ZNF180: variants seen among roughly 807,000 people sequenced by gnomAD.
ZNF180 encodes zinc finger protein 180 (HHZ168).
ZNF180 carries 11 observed loss-of-function variants against 11.8 expected under a neutral mutation model. That is an observed-to-expected ratio of 0.93 (90% confidence interval 0.59 to 1.55). The LOEUF (loss-of-function observed/expected upper bound fraction) is 1.55, where lower values mean the gene tolerates loss of function less well. ZNF180 is among the 40% of genes most tolerant of loss of function. The probability of loss-of-function intolerance (pLI) is 0.00; values close to 1 mark genes in which losing one functional copy is unlikely to be tolerated. For missense variants in ZNF180, 773 were observed against 781.7 expected (o/e 0.99, Z 0.13); for synonymous variants, 287 against 257.7 (o/e 1.11, Z -1.09).
In ZNF180 at chr19:44,477,465, G is replaced by C; in HGVS notation, c.935C>G (p.Ser312Cys). Residue 312 changes from serine (S) to cysteine (C), a missense_variant, in exon 5 of 5, where the codon TCC becomes TGC. Physicochemically the swap from Ser to Cys is moderately radical, Grantham distance 112. Transcript: ENST00000592529. ...YKCSETSHSS[S>C]LTQNMRNNSE... Reference sequence around the variant, plus strand: ...ATTATTTCTCATGTTTTGAGTAAGGGAGGAACTATGAGAGGTTTCACTACA... The same window carrying C: ...ATTATTTCTCATGTTTTGAGTAAGGCAGGAACTATGAGAGGTTTCACTACA... 6.2e-7 allele frequency: 1 copy of C among 1,614,024 alleles called. No individual in the cohort carries two copies. The highest frequency in any genetic ancestry group is 1.1e-5 in the South Asian group (1 of 91,060).
intron 2 of ZNF180, among the ~76,000 whole-genome samples, chr19:44,496,203 G>A (rs953143857): frequency 6.6e-6 from 1 of 151,728 alleles, no homozygotes; most frequent in African/African-American, 2.4e-5. Context: ...ATTTTTTATA[G>A]AGACAGGGTC....
intron 1 of ZNF180, among the ~76,000 whole-genome samples, chr19:44,498,366 C>T (rs1225700261): frequency 2.0e-5 from 3 of 152,168 alleles, no homozygotes; most frequent in Non-Finnish European, 4.4e-5. Flanking sequence ...TACTCTCTCC[C>T]CTGCTCCCAC....
intron 2 of ZNF180, 195 bp from the exon 3 acceptor site, chr19:44,484,630 G>T: frequency 1.7e-6 from 1 of 594,762 alleles, no homozygotes; most frequent in Non-Finnish European, 3.0e-6. Flanking sequence ...ACATGGAGGA[G>T]CACCAAGGCC....
intron 1 of ZNF180, 73 bp downstream of exon 1, chr19:44,500,202 G>A: frequency 1.2e-6 from 2 of 1,614,098 alleles, no homozygotes; most frequent in South Asian, 2.2e-5. Context: ...ACTCACCACC[G>A]CTTCCAGCTT....
At chr19:44,490,011 A>AAAAGT (rs1970395911) in intron 2 of ZNF180, among the ~76,000 whole-genome samples, 1 of 145,910 alleles carries the variant, frequency 6.9e-6, no homozygotes, top group South Asian at 2.3e-4. Flanking sequence ...GAAAGAAAAG[A>AAAAGT]AAAGAAAGAA....
intron 2 of ZNF180, chr19:44,496,482 G>A (rs561214118): frequency 1.3e-5 from 2 of 151,704 alleles, no homozygotes; most frequent in East Asian, 2.0e-4. Flanking sequence ...GTGAGATATC[G>A]TTTCTACAAA....
At chr19:44,496,721 T>C (rs369533302) in intron 2 of ZNF180, 1 of 109,666 alleles carries the variant, frequency 9.1e-6, no homozygotes, top group South Asian at 2.9e-4. Flanking sequence ...AAAAAGAAAA[T>C]ACAGATAAAT....
rs1050024431 is a variant in ZNF180, at chr19:44,495,423, C to T, written c.51+1861G>A. ...CAGGCCACCCCACTGTGTCAGTACC[C>T]TCCACATGCCGCTGGGCTCTGACAC... is the stretch of plus-strand genomic sequence containing the variant. On this transcript the variant is annotated intron_variant, in intron 2 of 4. Transcript: ENST00000592529. The surrounding 1 kb of genome is among the most constrained non-coding windows in gnomAD (Gnocchi z 4.5). 1.3e-5 allele frequency among the ~76,000 whole-genome samples: 2 copies of T among 152,186 alleles called. No individual in the cohort carries two copies. Among genetic ancestry groups the T allele is most frequent in the Admixed American group, 6.5e-5 (1 of 15,302 alleles).
chr19:44,488,882 A>G (rs187923046), intron 2 of ZNF180, among the ~76,000 whole-genome samples: 32,380 of 145,582 alleles, frequency 0.22, 4,978 homozygotes, highest in East Asian at 0.45. Flanking sequence ...CGGTCGCCCC[A>G]TCTGAGAAGT....
chr19:44,488,150 T>TCCCTCC lies in ZNF180; in HGVS notation c.52-3716_52-3715insGGAGGG, dbSNP rs1555735747. 6.3e-3 allele frequency among the ~76,000 whole-genome samples: 659 copies of TCCCTCC among 105,358 alleles called. 53 individuals are homozygous for TCCCTCC. The highest frequency in any genetic ancestry group is 0.057 in the East Asian group (100 of 1,760). The allele number at this position is 105,358 out of a possible 152,430, so 69.1% of individuals were successfully genotyped here. A position where few individuals can be genotyped will look rare whatever the true frequency, so the allele number is the denominator to read the frequency against. ...TCCTTCTCTTTCCACGGTCTCCCTCTCCCTCTCTTTCCACGGTCTCCCTCT... is the reference window on the plus strand; with the variant it reads ...TCCTTCTCTTTCCACGGTCTCCCTCTCCCTCCCCCTCTCTTTCCACGGTCTCCCTCT... On this transcript the variant is annotated intron_variant, in intron 2 of 4. Transcript: ENST00000592529.
chr19:44,500,262 C>A lies in ZNF180; in HGVS notation c.-44+13G>T, dbSNP rs776163607. On this transcript the variant is annotated intron_variant, in intron 1 of 4. Transcript: ENST00000592529. ...GCATCGGACACCAAGCGCTGCCCCA[C>A]GCCCCTACCAACCTGGGCGTCCGCT... 1 of 1,613,572 alleles carries A rather than the reference C, an allele frequency of 6.2e-7. No homozygotes were observed. Among genetic ancestry groups the A allele is most frequent in the South Asian group, 1.1e-5 (1 of 91,078 alleles).
At chr19:44,484,557 C>A (rs532313489) in intron 2 of ZNF180, 122 bp from the exon 3 acceptor site, 2 of 698,520 alleles carry the variant, frequency 2.9e-6, no homozygotes, top group South Asian at 3.2e-5. Context: ...TCCCTCCCAC[C>A]ATATTTCTCC....
At chr19:44,499,231 T>C (rs1490777849) in intron 1 of ZNF180, among the ~76,000 whole-genome samples, 1 of 152,192 alleles carries the variant, frequency 6.6e-6, no homozygotes, top group East Asian at 1.9e-4. Flanking sequence ...AACTGGGCCC[T>C]TTGTCCTTCT....
chr19:44,482,515 T>C (rs1214812440), intron 3 of ZNF180, among the ~76,000 whole-genome samples: 1 of 152,054 alleles, frequency 6.6e-6, no homozygotes, highest in Non-Finnish European at 1.5e-5. Flanking sequence ...CTGAAACTCA[T>C]GCCATTTACC....
intron 3 of ZNF180, 46 bp downstream of exon 3, chr19:44,484,315 C>A: frequency 6.8e-7 from 1 of 1,479,096 alleles, no homozygotes. Context: ...CACTTCCCAG[C>A]CATGCACATT....
chr19:44,476,480 T>A lies in ZNF180; in HGVS notation c.1920A>T (p.Gly640=), dbSNP rs1241406503. The change falls in exon 5 of 5, where the codon GGA becomes GGT. Residue 640 remains glycine, a synonymous_variant. Coordinates refer to ENST00000592529, the MANE Select transcript of ZNF180 (RefSeq NM_001278509.3). ...GTTTATAGCTATTAATGAAAGCTTT[T>A]CCACACTGAATACATGTAAAGGGTT... ...GEKPFTCIQC[G]KAFINSYKLI... is the part of the protein sequence containing the mutation. 1.2e-6 allele frequency: 2 copies of A among 1,614,100 alleles called. No individual in the cohort carries two copies. Among genetic ancestry groups the A allele is most frequent in the East Asian group, 4.5e-5 (2 of 44,876 alleles).
intron 2 of ZNF180, among the ~76,000 whole-genome samples, chr19:44,493,363 A>G (rs1568435749): frequency 6.6e-6 from 1 of 152,200 alleles, no homozygotes; most frequent in African/African-American, 2.4e-5. Context: ...TGATGCCCCA[A>G]TACCCAGATG....
chr19:44,488,313 G>C (rs531590899), intron 2 of ZNF180, among the ~76,000 whole-genome samples: 49 of 135,612 alleles, frequency 3.6e-4, no homozygotes, highest in African/African-American at 9.7e-4. Context: ...CTCTGATGCC[G>C]AGCCGAAGCT....
At chr19:44,493,603 G>GC (rs1453419486) in intron 2 of ZNF180, among the ~76,000 whole-genome samples, 1 of 152,228 alleles carries the variant, frequency 6.6e-6, no homozygotes, top group Non-Finnish European at 1.5e-5. Flanking sequence ...TAGTATTCAT[G>GC]CCTTTGTGTA....
Sources: gnomAD v4.1 joint callset for allele counts (sites outside exome capture counted in the v4.1 genomes callset) on GRCh38, gnomAD v4.1.1 for gene constraint, Gnocchi (gnomAD v3.1) non-coding constraint, MANE v1.5 for transcripts, NCBI Gene and HGNC (gene_info 2026-07-23, HGNC 2026-07-21) for gene names.